Variants in SMYD3 observed in about 807,000 individuals in gnomAD.
SMYD3 encodes the protein SET and MYND domain containing 3, also known as histone-lysine N-methyltransferase SMYD3.
SMYD3 carries 36 observed loss-of-function variants against 57.7 expected under a neutral mutation model. The observed-to-expected ratio is 0.62, with a 90% confidence interval of 0.48 to 0.82. The LOEUF (loss-of-function observed/expected upper bound fraction) is 0.82. Ranked by LOEUF, SMYD3 falls within the 40% of genes least tolerant of loss-of-function variation. The pLI is 0.00. For synonymous variants in SMYD3, 211 were observed against 195.0 expected (o/e 1.08, Z -0.68); for missense variants, 515 against 538.8 (o/e 0.96, Z 0.44).
rs574498290 is a variant in SMYD3, at chr1:245,838,968, G to A, written c.1076+19528C>T. ...CTCTGAATCCTGAACTTGGAAGTGA[G>A]GCAGATCACAGTGGAATGGCTTGAT... On this transcript the variant is annotated intron_variant, in intron 10 of 11. Transcript: ENST00000490107. Among the ~76,000 whole-genome samples the A allele has an allele frequency of 3.3e-5, 5 of 152,248 alleles. No homozygotes were observed. The East Asian group carries it at 9.7e-4, about 29-fold the overall frequency.
chr1:246,493,285 T>G (rs1057145528), intron 1 of SMYD3, among the ~76,000 whole-genome samples: 2 of 151,910 alleles, frequency 1.3e-5, no homozygotes, highest in African/African-American at 4.8e-5. Context: ...GACAACATAG[T>G]GAGACCTTGT....
At chr1:246,300,665 G>A (rs1006826640) in intron 5 of SMYD3, among the ~76,000 whole-genome samples, 2 of 152,032 alleles carry the variant, frequency 1.3e-5, no homozygotes, top group African/African-American at 4.8e-5. Context: ...ATGTGGCTCT[G>A]GGCAAGTTCC....
intron 5 of SMYD3, among the ~76,000 whole-genome samples, chr1:246,027,035 G>A (rs1409857326): frequency 1.3e-5 from 2 of 152,236 alleles, no homozygotes; most frequent in African/African-American, 4.8e-5. Flanking sequence ...CTGATAGGGA[G>A]AAAGTCTGAG....
chr1:246,036,846 G>A (rs1158231816), intron 5 of SMYD3, among the ~76,000 whole-genome samples: 1 of 151,570 alleles, frequency 6.6e-6, no homozygotes, highest in Non-Finnish European at 1.5e-5. Context: ...TTATAGGCAT[G>A]AGCCACCACG....
At chr1:245,919,652 C>G (rs1395512239) in intron 7 of SMYD3, among the ~76,000 whole-genome samples, 2 of 152,170 alleles carry the variant, frequency 1.3e-5, no homozygotes, top group Admixed American at 6.5e-5. Flanking sequence ...CAGCTAAAAT[C>G]ATGTTATTAG....
intron 5 of SMYD3, among the ~76,000 whole-genome samples, chr1:246,152,819 A>T (rs2061962968): frequency 6.6e-6 from 1 of 152,204 alleles, no homozygotes; most frequent in South Asian, 2.1e-4. Flanking sequence ...CCACATCTGC[A>T]AAATGGGGAT....
At chr1:246,447,978 T>C (rs2067573322) in intron 1 of SMYD3, among the ~76,000 whole-genome samples, 1 of 152,254 alleles carries the variant, frequency 6.6e-6, no homozygotes, top group Non-Finnish European at 1.5e-5. Flanking sequence ...TACGTTCTTT[T>C]GCTCATCCAT....
intron 1 of SMYD3, among the ~76,000 whole-genome samples, chr1:246,375,539 A>G (rs2066262159): frequency 6.6e-6 from 1 of 151,948 alleles, no homozygotes; most frequent in Non-Finnish European, 1.5e-5. Flanking sequence ...TTGTCAGTAA[A>G]CAGTACAGTG....
chr1:245,785,442 G>A (rs549510390), intron 10 of SMYD3, among the ~76,000 whole-genome samples: 1 of 152,180 alleles, frequency 6.6e-6, no homozygotes, highest in South Asian at 2.1e-4. Flanking sequence ...TATTATACTT[G>A]CAGATGCAAT....
At chr1:246,201,663 G>A (rs955266512) in intron 5 of SMYD3, among the ~76,000 whole-genome samples, 2 of 152,114 alleles carry the variant, frequency 1.3e-5, no homozygotes, top group African/African-American at 2.4e-5. Flanking sequence ...GAAATGTCAC[G>A]GAAGCATAAT....
At chr1:245,912,646 A>G (rs980417659) in intron 8 of SMYD3, among the ~76,000 whole-genome samples, 3 of 152,230 alleles carry the variant, frequency 2.0e-5, no homozygotes, top group African/African-American at 7.2e-5. Context: ...TGGAATTGGT[A>G]TAAAAACAGA....
intron 5 of SMYD3, among the ~76,000 whole-genome samples, chr1:246,033,744 G>A (rs556438698): frequency 5.9e-5 from 9 of 152,188 alleles, no homozygotes; most frequent in East Asian, 1.9e-4. Flanking sequence ...CCAAGATCAC[G>A]CTACCGCACT....
chr1:246,220,189 G>A (rs1240739575), intron 5 of SMYD3, among the ~76,000 whole-genome samples: 1 of 152,020 alleles, frequency 6.6e-6, no homozygotes, highest in Non-Finnish European at 1.5e-5. Context: ...CACATCTGTT[G>A]ACTAGGATAT....
intron 10 of SMYD3, among the ~76,000 whole-genome samples, chr1:245,781,753 T>G (rs2046834621): frequency 6.6e-6 from 1 of 152,098 alleles, no homozygotes; most frequent in South Asian, 2.1e-4. Flanking sequence ...GGCCGAGCAC[T>G]GGGGTCAGGA....
intron 5 of SMYD3, among the ~76,000 whole-genome samples, chr1:246,246,878 TTAATA>T (rs1405558220): frequency 6.6e-6 from 1 of 151,298 alleles, no homozygotes; most frequent in African/African-American, 2.4e-5. Flanking sequence ...ATTACACTGT[TTAATA>T]TAATTACAGT....
chr1:245,956,329 C>G (rs2057839586), intron 5 of SMYD3, among the ~76,000 whole-genome samples: 1 of 152,204 alleles, frequency 6.6e-6, no homozygotes, highest in Non-Finnish European at 1.5e-5. Flanking sequence ...ATGTCTGATT[C>G]ATTGTGGCTT....
At chr1:246,057,159 T>G (rs1307360782) in intron 5 of SMYD3, among the ~76,000 whole-genome samples, 1 of 152,194 alleles carries the variant, frequency 6.6e-6, no homozygotes, top group Non-Finnish European at 1.5e-5. Context: ...TGCATCTACC[T>G]CAAAGGGCTT....
chr1:246,300,403 T>C (rs918676588), intron 5 of SMYD3, among the ~76,000 whole-genome samples: 13 of 152,178 alleles, frequency 8.5e-5, no homozygotes, highest in Non-Finnish European at 1.5e-4. Context: ...CTGTCTATAG[T>C]CTGCTGTTGT....
intron 5 of SMYD3, among the ~76,000 whole-genome samples, chr1:246,239,236 A>G (rs1001827268): frequency 6.6e-5 from 10 of 152,044 alleles, no homozygotes; most frequent in Non-Finnish European, 1.5e-4. Flanking sequence ...TCCTAATGCT[A>G]TCCCTCCCCT....
Sources: allele counts gnomAD v4.1 joint callset (sites outside exome capture counted in the v4.1 genomes callset), GRCh38; gene constraint gnomAD v4.1.1; transcripts MANE v1.5; gene names NCBI Gene and HGNC (gene_info 2026-07-23, HGNC 2026-07-21).